Variants in LONRF3 observed in about 807,000 individuals in gnomAD.
LONRF3 encodes LON peptidase N-terminal domain and ring finger 3.
In LONRF3, 19 loss-of-function variants were observed where a neutral mutation model predicts 51.7. The ratio of observed to expected loss-of-function variants is 0.37; its 90% CI spans 0.26 to 0.54. LONRF3 has a LOEUF of 0.54. Ranked by LOEUF, LONRF3 falls within the 20% of genes least tolerant of loss-of-function variation. The probability of loss-of-function intolerance (pLI) is 0.86; values close to 1 mark genes in which losing one functional copy is unlikely to be tolerated. For missense variants in LONRF3, 521 were observed against 623.9 expected (o/e 0.84, Z 1.76); for synonymous variants, 265 against 257.8 (o/e 1.03, Z -0.27).
chrX:118,987,082 T>TA, intron 3 of LONRF3: 1 of 1,150,843 alleles, frequency 8.7e-7, no homozygotes, highest in East Asian at 3.3e-5. Flanking sequence ...TTGTTACAGG[T>TA]AAAACTCAAC....
intron 5 of LONRF3, among the ~76,000 whole-genome samples, chrX:119,005,446 A>G (rs1924641396): frequency 8.9e-6 from 1 of 112,330 alleles, no homozygotes; most frequent in East Asian, 2.8e-4. Flanking sequence ...ATATGTATGT[A>G]CACATGTAAA....
In LONRF3 at chrX:118,990,500, C is replaced by G; in HGVS notation, c.1355C>G (p.Ala452Gly). 1 of 1,211,139 alleles carries G rather than the reference C, an allele frequency of 8.3e-7. No homozygotes were observed. Among genetic ancestry groups the G allele is most frequent in the Non-Finnish European group, 1.1e-6 (1 of 894,776 alleles). ...DPPTDQGDKP[A>G]LSLPLASFDA... ...CCCACTGATCAGGGGGACAAACCTG[C>G]TCTCAGTTTACCACTTGCATCTTTC... is the stretch of plus-strand genomic sequence containing the variant. The change falls in exon 5 of 11, where the codon GCT (alanine) becomes GGT (glycine). Residue 452 changes from alanine (A) to glycine (G), a missense_variant. By Grantham distance (60) the Ala-to-Gly change is moderately conservative (BLOSUM62 0). Around this residue, in one of 2 missense-constraint regions of LONRF3, gnomAD observed 376 missense variants for 376.7 expected, o/e 1.00. Transcript: ENST00000371628.
intron 10 of LONRF3, among the ~76,000 whole-genome samples, chrX:119,016,473 G>A (rs1336866345): frequency 1.9e-5 from 2 of 107,703 alleles, no homozygotes; most frequent in Non-Finnish European, 3.8e-5. Flanking sequence ...TCAGCCTCCG[G>A]AGTAGCTGGG....
At chrX:119,012,600 CAGAG>C (rs371529751) in intron 8 of LONRF3, among the ~76,000 whole-genome samples, 1 of 110,508 alleles carries the variant, frequency 9.0e-6, no homozygotes, top group Non-Finnish European at 1.9e-5. Context: ...AGAAGGGCAA[CAGAG>C]AGAGAGAGAA....
At chrX:119,014,131 G>T in intron 9 of LONRF3, 76 bp from the exon 10 acceptor site, 3 of 1,055,026 alleles carry the variant, frequency 2.8e-6, no homozygotes, top group Non-Finnish European at 3.8e-6. Context: ...TGCTCAAAGC[G>T]AATCAGGTGT....
At chrX:118,990,653 C>A in intron 5 of LONRF3, 93 bp downstream of exon 5, 3 of 693,061 alleles carry the variant, frequency 4.3e-6, no homozygotes, top group Admixed American at 2.5e-5. Context: ...GGTTGGTTAG[C>A]ATGTAAAAAG....
chrX:119,006,125 T>C lies in LONRF3; in HGVS notation c.1420T>C (p.Phe474Leu). ...DLECALCMRL[F>L]YEPVTTPCGH... ...ATTTTGATTCCTAAATTTCAGATTA[T>C]TCTATGAGCCAGTCACAACACCTTG... The change falls in exon 6 of 11, where the codon TTC (phenylalanine) becomes CTC (leucine). Residue 474 changes from phenylalanine to leucine, a missense_variant. Physicochemically the swap from Phe to Leu is conservative, Grantham distance 22 (BLOSUM62 0). Transcript: ENST00000371628. 1 of 1,154,527 alleles carries C rather than the reference T, an allele frequency of 8.7e-7. No homozygotes were observed. Among genetic ancestry groups the C allele is most frequent in the Admixed American group, 2.3e-5 (1 of 43,846 alleles).
chrX:119,008,889 C>T (rs1924909934), intron 6 of LONRF3, among the ~76,000 whole-genome samples: 1 of 111,175 alleles, frequency 9.0e-6, no homozygotes, highest in Non-Finnish European at 1.9e-5. Flanking sequence ...CAGGTTTTAC[C>T]CCCTTGTTAA....
chrX:119,003,118 T>C (rs768981976), intron 5 of LONRF3, among the ~76,000 whole-genome samples: 1 of 111,982 alleles, frequency 8.9e-6, no homozygotes, highest in Non-Finnish European at 1.9e-5. Flanking sequence ...AAATTATCAA[T>C]CTTTTCATTT....
intron 10 of LONRF3, among the ~76,000 whole-genome samples, chrX:119,016,732 A>G (rs1262476465): frequency 1.8e-5 from 2 of 111,932 alleles, no homozygotes; most frequent in Non-Finnish European, 3.8e-5. Flanking sequence ...TGTAAATCAT[A>G]GCCTTTGGTT....
chrX:118,982,678 G>GTTGCCC lies in LONRF3; in HGVS notation c.937-142_937-137dup, dbSNP rs1404217073. The GTTGCCC allele has an allele frequency of 3.9e-6, 3 of 779,027 alleles. No homozygotes were observed. In the African/African-American group the frequency reaches 6.3e-5, roughly 16 times the overall value. 64.2% of individuals were successfully genotyped at this position (779,027 alleles called of 1,213,427 possible). Reference sequence around the variant, plus strand: ...TCTTCTTTATAATGGCATTAGAACAGTTGCCCGCATTTTAGGGCTGTAGAT... The same window carrying GTTGCCC: ...TCTTCTTTATAATGGCATTAGAACAGTTGCCCTTGCCCGCATTTTAGGGCTGTAGAT... On this transcript the variant is annotated intron_variant, in intron 2 of 10. Coordinates refer to ENST00000371628, the MANE Select transcript of LONRF3 (RefSeq NM_001031855.3).
chrX:118,975,522 C>T lies in LONRF3; in HGVS notation c.742C>T (p.His248Tyr). Reference protein sequence around the residue: ...PGPARASQLRHEGNRLYRERQ... With the variant: ...PGPARASQLRYEGNRLYRERQ... ...CCCAGCGCGAGCGTCGCAACTCCGGCACGAGGGCAACCGACTGTACCGCGA... is the reference window on the plus strand; with the variant it reads ...CCCAGCGCGAGCGTCGCAACTCCGGTACGAGGGCAACCGACTGTACCGCGA... Residue 248 changes from histidine (H) to tyrosine (Y), a missense_variant, in exon 1 of 11, where the codon CAC (histidine) becomes TAC (tyrosine). His to Tyr is a moderately conservative substitution (Grantham distance 83). This residue lies in a region of LONRF3 where 376 missense variants were observed against 376.7 expected (regional missense o/e 1.00). Coordinates refer to ENST00000371628, the MANE Select transcript of LONRF3 (RefSeq NM_001031855.3). 2.5e-6 allele frequency: 3 copies of T among 1,204,615 alleles called. No homozygotes were observed. Among genetic ancestry groups the T allele is most frequent in the Non-Finnish European group, 3.4e-6 (3 of 892,987 alleles).
At chrX:118,988,837 G>A (rs1307498680) in intron 3 of LONRF3, among the ~76,000 whole-genome samples, 2 of 104,722 alleles carry the variant, frequency 1.9e-5, no homozygotes, top group African/African-American at 7.1e-5. Context: ...CCCAAATCTA[G>A]TAAAAGGAAT....
chrX:118,980,570 A>ATT (rs58513403), intron 2 of LONRF3, among the ~76,000 whole-genome samples: 1,164 of 107,040 alleles, frequency 0.011, 13 homozygotes, highest in African/African-American at 0.028. Flanking sequence ...TGATGGATTC[A>ATT]TTTTTTTTTC....
chrX:119,016,006 A>C (rs940235078), intron 10 of LONRF3, among the ~76,000 whole-genome samples: 1 of 112,213 alleles, frequency 8.9e-6, no homozygotes, highest in African/African-American at 3.2e-5. Context: ...TAGGAGGGAG[A>C]GCATATTGCC....
chrX:119,006,307 T>G lies in LONRF3; in HGVS notation c.1530+72T>G, dbSNP rs1465300384. 7.5e-6 allele frequency: 6 copies of G among 795,380 alleles called. No homozygotes were observed. The Admixed American group carries it at 1.5e-4, about 19-fold the overall frequency. The allele number at this position is 795,380 out of a possible 1,213,427, so 65.5% of individuals were successfully genotyped here. On this transcript the variant is annotated intron_variant, in intron 6 of 10. Transcript: ENST00000371628. ...CTTGTTTTGTTTAGTTTATTTGGAA[T>G]TGGGCACTAAGACAGTGTTCAACTG... is the stretch of plus-strand genomic sequence containing the variant.
At chrX:119,006,373 T>A in intron 6 of LONRF3, 138 bp downstream of exon 6, 4 of 281,324 alleles carry the variant, frequency 1.4e-5, no homozygotes, top group African/African-American at 2.9e-5. Context: ...CATTACTCCC[T>A]CAAACCATCT....
chrX:119,015,599 C>T (rs1028161795), intron 10 of LONRF3, among the ~76,000 whole-genome samples: 15 of 111,834 alleles, frequency 1.3e-4, no homozygotes, highest in Admixed American at 5.7e-4. Flanking sequence ...AGCAAACTCA[C>T]GATCAAGCTT....
intron 9 of LONRF3, 114 bp downstream of exon 9, chrX:119,013,315 C>A: frequency 1.3e-6 from 1 of 743,768 alleles, no homozygotes; most frequent in Non-Finnish European, 1.9e-6. Flanking sequence ...GATTTCACAC[C>A]AAATTGCTGC....
Sources: gnomAD v4.1 joint callset for allele counts (sites outside exome capture counted in the v4.1 genomes callset) on GRCh38, gnomAD v4.1.1 for gene constraint, gnomAD v4.1.1 regional missense constraint, MANE v1.5 for transcripts, NCBI Gene and HGNC (gene_info 2026-07-23, HGNC 2026-07-21) for gene names.